The following DNAH3 variants were observed in gnomAD, a reference collection of about 807,000 sequenced individuals.
DNAH3 encodes axonemal beta dynein heavy chain 3.
DNAH3 carries 332 observed loss-of-function variants against 432.5 expected under a neutral mutation model. That is an observed-to-expected ratio of 0.77 (90% CI 0.70 to 0.84). DNAH3 has a LOEUF of 0.84. DNAH3 is among the 40% of genes least tolerant of loss of function. The pLI is 0.00. For missense variants in DNAH3, 4,861 were observed against 5,114.0 expected (o/e 0.95, Z 1.51); for synonymous variants, 1,956 against 1,900.2 (o/e 1.03, Z -0.76).
intron 39 of DNAH3, among the ~76,000 whole-genome samples, chr16:21,023,218 A>T (rs1380729027): frequency 2.0e-5 from 3 of 152,194 alleles, no homozygotes; most frequent in Non-Finnish European, 4.4e-5. Flanking sequence ...GAAATGTGGT[A>T]TATCAATTCA....
rs375211524 is a variant in DNAH3, at chr16:20,963,478, C to T, written c.10406G>A (p.Gly3469Glu). ...TCGAAGGATCACCATCTTCTCCAAT[C>T]CTTGAGAGAACTTCCAAGACCCAGG... The change falls in exon 53 of 62, where the codon GGA becomes GAA. Residue 3469 changes from glycine to glutamate, a missense_variant. Gly to Glu is a moderately conservative substitution (Grantham distance 98, BLOSUM62 -2). Transcript: ENST00000261383. 6.2e-7 allele frequency: 1 copy of T among 1,614,162 alleles called. No homozygotes were observed. The highest frequency in any genetic ancestry group is 8.5e-7 in the Non-Finnish European group (1 of 1,180,032).
exon 53 of DNAH3, chr16:20,964,524 C>G (rs780632287): frequency 1.2e-6 from 2 of 1,614,076 alleles, no homozygotes; most frequent in Non-Finnish European, 1.7e-6. Context: ...GGGTGCCTAA[C>G]TGCAGCGCGT....
intron 44 of DNAH3, among the ~76,000 whole-genome samples, chr16:20,990,926 CAGG>C (rs1197341022): frequency 6.6e-6 from 1 of 152,052 alleles, no homozygotes; most frequent in African/African-American, 2.4e-5. Flanking sequence ...GAGGTTGAGG[CAGG>C]AGAATTGCTT....
chr16:20,985,275 G>A (rs982985962), exon 48 of DNAH3: 16 of 1,614,020 alleles, frequency 9.9e-6, no homozygotes, highest in Middle Eastern at 1.6e-4. Flanking sequence ...CGGCGAAGAG[G>A]AACACGGTGC....
intron 55 of DNAH3, among the ~76,000 whole-genome samples, chr16:20,953,478 T>G (rs1322948279): frequency 1.3e-5 from 2 of 151,902 alleles, no homozygotes; most frequent in African/African-American, 2.4e-5. Flanking sequence ...AAGTTTAATT[T>G]CCTCCCAAAC....
chr16:20,963,624 C>T lies in DNAH3; in HGVS notation c.10260G>A (p.Trp3420Ter), dbSNP rs747426363. 6.8e-6 allele frequency: 11 copies of T among 1,613,884 alleles called. No homozygotes were observed. In the East Asian group the frequency reaches 1.6e-4, roughly 23 times the overall value. The change falls in exon 53 of 62, where the codon TGG (tryptophan) becomes TGA (stop). Residue 3420 changes from tryptophan to a stop codon, truncating the protein, a stop_gained. Coordinates refer to ENST00000261383, the Ensembl canonical transcript of DNAH3. LOFTEE classifies it high-confidence loss of function. ...AGGCAGATGCACGGACAATCTCTGCCCATGCCTTCTCAGACAGCCATTGGG... is the reference window on the plus strand; with the variant it reads ...AGGCAGATGCACGGACAATCTCTGCTCATGCCTTCTCAGACAGCCATTGGG...
chr16:21,037,913 C>T, exon 34 of DNAH3: 2 of 1,614,192 alleles, frequency 1.2e-6, no homozygotes, highest in Non-Finnish European at 1.7e-6. Context: ...ATACCGTAGT[C>T]ATAGTGATGC....
intron 41 of DNAH3, among the ~76,000 whole-genome samples, chr16:21,017,151 G>A (rs1420003058): frequency 6.6e-6 from 1 of 152,086 alleles, no homozygotes; most frequent in African/African-American, 2.4e-5. Flanking sequence ...TGGTCAAAAT[G>A]GTAAATTTTG....
intron 12 of DNAH3, among the ~76,000 whole-genome samples, chr16:21,116,812 G>A (rs2092213894): frequency 6.6e-6 from 1 of 152,176 alleles, no homozygotes; most frequent in South Asian, 2.1e-4. Flanking sequence ...AATATTTATA[G>A]GTTTCCCTGC....
chr16:20,994,911 T>C (rs570859551), intron 44 of DNAH3, among the ~76,000 whole-genome samples: 2 of 152,266 alleles, frequency 1.3e-5, no homozygotes, highest in East Asian at 3.9e-4. Flanking sequence ...TGTTTATTCT[T>C]TCTTGTGTTC....
chr16:21,100,389 CT>C (rs981114865), intron 16 of DNAH3, among the ~76,000 whole-genome samples: 2 of 152,094 alleles, frequency 1.3e-5, no homozygotes, highest in African/African-American at 2.4e-5. Flanking sequence ...CTTTTCTCAG[CT>C]TTTTATTTTT....
chr16:20,982,764 T>C, exon 49 of DNAH3: 1 of 1,614,160 alleles, frequency 6.2e-7, no homozygotes, highest in South Asian at 1.1e-5. Flanking sequence ...TCTAGAAATT[T>C]GTTAGCCACC....
chr16:21,153,450 T>G (rs976580683), intron 1 of DNAH3, among the ~76,000 whole-genome samples: 2 of 152,110 alleles, frequency 1.3e-5, no homozygotes, highest in Non-Finnish European at 2.9e-5. Flanking sequence ...AACGCACCAA[T>G]CAGCACCCTG....
At chr16:21,085,915 C>T (rs913043491) in intron 19 of DNAH3, among the ~76,000 whole-genome samples, 5 of 152,102 alleles carry the variant, frequency 3.3e-5, no homozygotes, top group Admixed American at 3.3e-4. Flanking sequence ...CACAAATGTG[C>T]ACCACTACAC....
intron 55 of DNAH3, among the ~76,000 whole-genome samples, chr16:20,954,292 T>A (rs944174720): frequency 1.5e-5 from 2 of 134,250 alleles, no homozygotes; most frequent in African/African-American, 5.7e-5. Flanking sequence ...ACCTATAGAC[T>A]TTTTTTTTTT....
At chr16:21,021,346 C>T (rs1262920336) in intron 40 of DNAH3, among the ~76,000 whole-genome samples, 1 of 152,058 alleles carries the variant, frequency 6.6e-6, no homozygotes, top group Non-Finnish European at 1.5e-5. Flanking sequence ...AGGGGTCCTG[C>T]TATGTTCATC....
chr16:20,988,423 A>G lies in DNAH3; in HGVS notation c.6602-358T>C, dbSNP rs78950162. The stretch of plus-strand genomic sequence containing the variant: ...ATCATATCATGTTGTATTATATTAC[A>G]TTACTTTTTGAGATGGAGTTCCCCT... On this transcript the variant is annotated intron_variant, in intron 44 of 61. Coordinates refer to ENST00000261383, the Ensembl canonical transcript of DNAH3. Among the ~76,000 whole-genome samples, 533 of 152,128 alleles carry G rather than the reference A, an allele frequency of 3.5e-3. 3 individuals carry two copies. Among genetic ancestry groups the G allele is most frequent in the Non-Finnish European group, 6.2e-3 (420 of 67,990 alleles).
At chr16:21,009,924 AGGGG>A (rs2087504756) in intron 41 of DNAH3, among the ~76,000 whole-genome samples, 5 of 32,170 alleles carry the variant, frequency 1.6e-4, no homozygotes, top group Non-Finnish European at 2.9e-4. Context: ...AGGGGAGGGG[AGGGG>A]AGGGGAGGGG....
chr16:21,031,155 G>A (rs142410393), exon 37 of DNAH3: 467 of 1,614,088 alleles, frequency 2.9e-4, no homozygotes, highest in Non-Finnish European at 3.6e-4. Flanking sequence ...GCTTGCTCCC[G>A]GAAAGCATTG....
Sources: gnomAD v4.1 joint callset for allele counts (sites outside exome capture counted in the v4.1 genomes callset) on GRCh38, gnomAD v4.1.1 for gene constraint, MANE v1.5 for transcripts, NCBI Gene and HGNC (gene_info 2026-07-23, HGNC 2026-07-21) for gene names.